Variants in IL21R observed in about 807,000 individuals in gnomAD.
The protein encoded by IL21R is interleukin 21 receptor, also known as interleukin-21 receptor.
IL21R carries 14 observed loss-of-function variants against 41.3 expected under a neutral mutation model. The observed-to-expected ratio is 0.34, with a 90% CI of 0.22 to 0.53. The LOEUF is 0.53. Among genes scored for constraint, IL21R ranks in the 20% least tolerant of loss-of-function variants. IL21R has a pLI of 0.94. For synonymous variants in IL21R, 286 were observed against 287.6 expected, an observed-to-expected ratio of 0.99 and a Z score of 0.05; for missense variants, 588 against 681.6, an observed-to-expected ratio of 0.86 and a Z score of 1.53.
At chr16:27,410,180 A>G (rs1403708075) in intron 1 of IL21R, among the ~76,000 whole-genome samples, 1 of 152,118 alleles carries the variant, frequency 6.6e-6, no homozygotes, top group Admixed American at 6.5e-5. Flanking sequence ...CACTAAAAAT[A>G]CAAAAATTAG....
intron 7 of IL21R, 129 bp from the exon 8 acceptor site, chr16:27,445,878 A>G: frequency 3.4e-6 from 2 of 581,514 alleles, no homozygotes; most frequent in East Asian, 3.2e-5. Flanking sequence ...CCAGGGAAGG[A>G]GGGAGGCGCC....
chr16:27,430,472 C>T (rs1016916934), intron 2 of IL21R, among the ~76,000 whole-genome samples: 1 of 152,212 alleles, frequency 6.6e-6, no homozygotes, highest in African/African-American at 2.4e-5. Context: ...TTCTGCCTTC[C>T]ATCTAACCTC....
intron 4 of IL21R, among the ~76,000 whole-genome samples, chr16:27,441,825 G>T (rs1160977225): frequency 1.3e-5 from 2 of 152,108 alleles, no homozygotes; most frequent in African/African-American, 4.8e-5. Flanking sequence ...CCTGGGCAAA[G>T]ATAGTGAGAC....
chr16:27,428,289 C>T (rs777238704), intron 1 of IL21R, among the ~76,000 whole-genome samples: 1 of 152,244 alleles, frequency 6.6e-6, no homozygotes, highest in African/African-American at 2.4e-5. Flanking sequence ...GTCATCTGAA[C>T]CTTCCTGGCC....
intron 1 of IL21R, among the ~76,000 whole-genome samples, chr16:27,402,927 A>G (rs1449689671): frequency 2.0e-5 from 3 of 152,124 alleles, no homozygotes; most frequent in Non-Finnish European, 2.9e-5. Context: ...GCCAAACATA[A>G]CATGTCAATC....
chr16:27,419,444 GT>G (rs975953368), intron 1 of IL21R, among the ~76,000 whole-genome samples: 3 of 152,158 alleles, frequency 2.0e-5, no homozygotes, highest in African/African-American at 7.2e-5. Context: ...TTTTTTGTTT[GT>G]TTTTAAGAGT....
chr16:27,437,053 G>T (rs1348156485), intron 3 of IL21R, among the ~76,000 whole-genome samples: 1 of 152,150 alleles, frequency 6.6e-6, no homozygotes, highest in Non-Finnish European at 1.5e-5. Context: ...CCAGCCTGGG[G>T]CCAGAGTGAG....
intron 1 of IL21R, among the ~76,000 whole-genome samples, chr16:27,421,254 G>A (rs953830030): frequency 6.3e-5 from 9 of 141,890 alleles, no homozygotes; most frequent in Non-Finnish European, 1.4e-4. Flanking sequence ...TCCTCCAACT[G>A]TGTTCTTTCT....
At chr16:27,424,715 A>T (rs1156249090) in intron 1 of IL21R, among the ~76,000 whole-genome samples, 2 of 152,196 alleles carry the variant, frequency 1.3e-5, no homozygotes, top group Admixed American at 1.3e-4. Context: ...ACTCCTCCGT[A>T]GGAGACTGCA....
intron 1 of IL21R, among the ~76,000 whole-genome samples, chr16:27,407,698 G>T (rs1010912070): frequency 6.6e-6 from 1 of 152,190 alleles, no homozygotes; most frequent in Non-Finnish European, 1.5e-5. Flanking sequence ...GGTAGCCCAT[G>T]CCTGTAATCC....
intron 3 of IL21R, among the ~76,000 whole-genome samples, chr16:27,437,103 GA>G (rs988136800): frequency 1.3e-5 from 2 of 152,134 alleles, no homozygotes; most frequent in Non-Finnish European, 2.9e-5. Context: ...AGAAAGGAGA[GA>G]AGGAAACCCA....
intron 1 of IL21R, among the ~76,000 whole-genome samples, chr16:27,419,739 TTAAG>T (rs1567359732): frequency 1.3e-5 from 2 of 151,704 alleles, no homozygotes; most frequent in Non-Finnish European, 1.5e-5. Flanking sequence ...ACATTTTTTT[TTAAG>T]TAAGTACAAG....
At position 27,451,841 on chromosome 16, in the gene IL21R, A is replaced by C. The variant is rs2087604102; in HGVS notation, c.*2558A>C. 4.3e-6 allele frequency: 1 copy of C among 230,996 alleles called. No individual in the cohort carries two copies. Among genetic ancestry groups the C allele is most frequent in the African/African-American group, 2.2e-5 (1 of 45,220 alleles). The allele number at this position is 230,996 out of a possible 1,614,324, so 14.3% of individuals were successfully genotyped here. On this transcript the variant is annotated 3_prime_UTR_variant, in exon 9 of 9. Coordinates refer to ENST00000337929, the MANE Select transcript of IL21R (RefSeq NM_181078.3). ...GGAAGATGGTATTAAGTTGGTGCAA[A>C]AGTCTTTGATATTACTCTTAATGGC...
Position 27,442,950 on chromosome 16 carries a change from T to C in IL21R, c.353-12T>C. The C allele has an allele frequency of 6.4e-7, 1 of 1,568,170 alleles. No individual in the cohort carries two copies. The highest frequency in any genetic ancestry group is 1.9e-5 in the Admixed American group (1 of 53,104). The stretch of plus-strand genomic sequence containing the variant: ...CTCACCCCATTTTCTTTTCCTGGGT[T>C]TTTCCACCAAGTCAAGCCGGCTCCC... On this transcript the variant is annotated splice_polypyrimidine_tract_variant and intron_variant, in intron 4 of 8. Coordinates refer to ENST00000337929, the MANE Select transcript of IL21R (RefSeq NM_181078.3).
intron 1 of IL21R, among the ~76,000 whole-genome samples, chr16:27,417,854 T>C (rs996737479): frequency 2.0e-5 from 3 of 152,158 alleles, no homozygotes; most frequent in African/African-American, 7.2e-5. Flanking sequence ...TTGCTCTGGG[T>C]GTCAGTGATT....
intron 1 of IL21R, among the ~76,000 whole-genome samples, chr16:27,416,777 C>T (rs1050723957): frequency 2.6e-5 from 4 of 152,126 alleles, no homozygotes; most frequent in African/African-American, 9.7e-5. Context: ...CTCTATCCCC[C>T]CTCCCCTCAG....
intron 4 of IL21R, among the ~76,000 whole-genome samples, chr16:27,440,390 C>T (rs1018826631): frequency 6.6e-5 from 10 of 151,806 alleles, no homozygotes; most frequent in African/African-American, 1.9e-4. Context: ...CCTCCCACTT[C>T]GGCCTCCTGA....
At chr16:27,426,956 C>G (rs531893133) in intron 1 of IL21R, among the ~76,000 whole-genome samples, 1 of 152,234 alleles carries the variant, frequency 6.6e-6, no homozygotes, top group African/African-American at 2.4e-5. Flanking sequence ...GGATCCAGGA[C>G]CTCCCATGAT....
chr16:27,416,823 C>A (rs1231924074), intron 1 of IL21R, among the ~76,000 whole-genome samples: 2 of 152,196 alleles, frequency 1.3e-5, no homozygotes, highest in Non-Finnish European at 2.9e-5. Flanking sequence ...TACTTTCTGT[C>A]TCTATGGATC....
Sources: allele counts gnomAD v4.1 joint callset (sites outside exome capture counted in the v4.1 genomes callset), GRCh38; gene constraint gnomAD v4.1.1; transcripts MANE v1.5; gene names NCBI Gene and HGNC (gene_info 2026-07-23, HGNC 2026-07-21).